PPME1: variants seen among roughly 807,000 people sequenced by gnomAD.
The protein encoded by PPME1 is protein phosphatase methylesterase 1, also known as testicular secretory protein Li 39.
Under a neutral mutation model 56.9 loss-of-function variants are expected in PPME1, and 17 were observed. The observed-to-expected ratio is 0.30, with a 90% CI of 0.20 to 0.45. The LOEUF is 0.45. Among genes scored for constraint, PPME1 ranks in the 20% least tolerant of loss-of-function variants. PPME1 has a pLI of 1.00. For missense variants in PPME1, 357 were observed against 483.2 expected (o/e 0.74, Z 2.45); for synonymous variants, 122 against 156.2 (o/e 0.78, Z 1.63).
chr11:74,200,096 G>C (rs993745779), intron 1 of PPME1, among the ~76,000 whole-genome samples: 11 of 151,048 alleles, frequency 7.3e-5, no homozygotes, highest in Non-Finnish European at 8.9e-5. Flanking sequence ...GACCCCTTGA[G>C]GGGGGGAAGT....
At chr11:74,189,091 A>T (rs1206494499) in intron 1 of PPME1, among the ~76,000 whole-genome samples, 2 of 152,146 alleles carry the variant, frequency 1.3e-5, no homozygotes, top group Non-Finnish European at 2.9e-5. Flanking sequence ...TTTCCCCCTT[A>T]CATAAAAGAT....
chr11:74,171,546 C>T, intron 1 of PPME1, 24 bp downstream of exon 1: 1 of 1,595,268 alleles, frequency 6.3e-7, no homozygotes, highest in South Asian at 1.1e-5. Flanking sequence ...ACCCCTTCTC[C>T]CTATGGGCCA....
chr11:74,232,382 A>G (rs1018339718), intron 7 of PPME1, among the ~76,000 whole-genome samples: 2 of 152,268 alleles, frequency 1.3e-5, no homozygotes, highest in African/African-American at 4.8e-5. Flanking sequence ...GACTTGGTAA[A>G]TATATCCTAG....
intron 1 of PPME1, among the ~76,000 whole-genome samples, chr11:74,179,767 A>G (rs1422106710): frequency 2.6e-5 from 4 of 152,184 alleles, no homozygotes; most frequent in Non-Finnish European, 5.9e-5. Flanking sequence ...AGTAAGGAAC[A>G]CTTCAGACCT....
chr11:74,250,502 GCCAAGCTTCTT>G (rs1159737442), intron 11 of PPME1: 1 of 158,750 alleles, frequency 6.3e-6, no homozygotes. Context: ...TAAGCACCAT[GCCAAGCTTCTT>G]GTATTCCAAG....
At chr11:74,200,014 CA>C (rs1858109086) in intron 1 of PPME1, among the ~76,000 whole-genome samples, 1 of 152,144 alleles carries the variant, frequency 6.6e-6, no homozygotes, top group Non-Finnish European at 1.5e-5. Context: ...AGGACATAGC[CA>C]AACCATATCA....
Position 74,239,164 on chromosome 11 carries a change from A to G in PPME1, c.742A>G (p.Lys248Glu). 1 of 1,613,768 alleles carries G rather than the reference A, an allele frequency of 6.2e-7. No homozygotes were observed. Among genetic ancestry groups the G allele is most frequent in the East Asian group, 2.2e-5 (1 of 44,862 alleles). ...CEGITSPEGS[K>E]SIVEGIIEEE... ...AGGAATTACAAGTCCAGAAGGCTCA[A>G]AATCTATAGTGGAAGGAATCATAGA... Residue 248 changes from lysine (K) to glutamate (E), a missense_variant, in exon 9 of 14, where the codon AAA (lysine) becomes GAA (glutamate). By Grantham distance (56) the Lys-to-Glu change is moderately conservative (BLOSUM62 1). Transcript: ENST00000328257.
chr11:74,236,208 G>C, intron 8 of PPME1, among the ~76,000 whole-genome samples: 1 of 151,580 alleles, frequency 6.6e-6, no homozygotes, highest in Middle Eastern at 3.2e-3. Context: ...GATTACCTTA[G>C]CAAAACTCTG....
intron 1 of PPME1, among the ~76,000 whole-genome samples, chr11:74,185,894 G>A (rs1419404558): frequency 6.6e-6 from 1 of 152,162 alleles, no homozygotes; most frequent in Non-Finnish European, 1.5e-5. Context: ...CAGGTTGGAA[G>A]TTCCTATGGC....
chr11:74,199,332 T>A lies in PPME1; in HGVS notation c.102-4396T>A, dbSNP rs115603462. Among the ~76,000 whole-genome samples the A allele has an allele frequency of 1.6e-3, 251 of 152,366 alleles. 2 individuals are homozygous for A. Among genetic ancestry groups the A allele is most frequent in the African/African-American group, 4.9e-3 (203 of 41,584 alleles). On this transcript the variant is annotated intron_variant, in intron 1 of 13. Coordinates refer to ENST00000328257, the MANE Select transcript of PPME1 (RefSeq NM_016147.3). ...TACATTTTGTTAGATATTTATGTAC[T>A]TAATACTAACTTCTTGACAGCAGAT... is the stretch of plus-strand genomic sequence containing the variant.
chr11:74,230,135 T>G lies in PPME1; in HGVS notation c.399-110T>G. ...TGTTTGTAAGATGGCCCAATAGACTTTTACAGTTTCCCAGCACTGTTACAC... is the reference window on the plus strand; with the variant it reads ...TGTTTGTAAGATGGCCCAATAGACTGTTACAGTTTCCCAGCACTGTTACAC... On this transcript the variant is annotated intron_variant, in intron 5 of 13. Transcript: ENST00000328257. This position sits in a 1 kb window ranked among gnomAD's most constrained non-coding sequence, Gnocchi z 4.9. 8.1e-7 allele frequency: 1 copy of G among 1,236,858 alleles called. No individual in the cohort carries two copies. The highest frequency in any genetic ancestry group is 1.1e-6 in the Non-Finnish European group (1 of 890,712). 76.6% of individuals were successfully genotyped at this position (1,236,858 alleles called of 1,614,324 possible). A position where few individuals can be genotyped will look rare whatever the true frequency, so the allele number is the denominator to read the frequency against.
intron 1 of PPME1, among the ~76,000 whole-genome samples, chr11:74,179,531 AGCTCCGGTGCTACCAAAAATG>A (rs570004066): frequency 1.3e-5 from 2 of 152,236 alleles, no homozygotes; most frequent in East Asian, 3.9e-4. Flanking sequence ...GTCAAATCCA[AGCTCCGGTGCTACCAAAAATG>A]GCTCTGGGAA....
At chr11:74,206,023 G>A (rs180937906) in intron 3 of PPME1, 108 of 152,122 alleles carry the variant, frequency 7.1e-4, no homozygotes, top group African/African-American at 2.5e-3. Flanking sequence ...TTATTATTGA[G>A]ATATTTACAT....
intron 1 of PPME1, among the ~76,000 whole-genome samples, chr11:74,189,364 A>C (rs1857775132): frequency 6.6e-6 from 1 of 152,196 alleles, no homozygotes; most frequent in Non-Finnish European, 1.5e-5. Context: ...ATCATGGCTC[A>C]CTGCAGCCTT....
intron 3 of PPME1, 70 bp from the exon 4 acceptor site, chr11:74,222,242 G>C: frequency 1.6e-6 from 2 of 1,213,764 alleles, no homozygotes; most frequent in Non-Finnish European, 2.4e-6. Context: ...ATTTTACAAA[G>C]TTATCATTGG....
intron 1 of PPME1, among the ~76,000 whole-genome samples, chr11:74,177,556 A>T (rs1320521363): frequency 2.6e-5 from 4 of 152,004 alleles, no homozygotes; most frequent in African/African-American, 9.7e-5. Flanking sequence ...ACGTGCCACT[A>T]CTGTACTTTT....
intron 1 of PPME1, among the ~76,000 whole-genome samples, chr11:74,188,649 C>A (rs1384192402): frequency 3.3e-5 from 5 of 152,158 alleles, no homozygotes; most frequent in Non-Finnish European, 5.9e-5. Context: ...ACCTAACTAC[C>A]TATTTGCTTT....
chr11:74,200,862 G>T (rs1858143682), intron 1 of PPME1, among the ~76,000 whole-genome samples: 1 of 151,872 alleles, frequency 6.6e-6, no homozygotes, highest in African/African-American at 2.4e-5. Context: ...TTTTATTATT[G>T]TTTTTTGAGA....
rs372290206 is a variant in PPME1 at position 74,231,022 on chromosome 11, C to T, written c.644+20C>T. 3.8e-5 allele frequency: 58 copies of T among 1,530,214 alleles called. No homozygotes were observed. The highest frequency in any genetic ancestry group is 9.6e-5 in the African/African-American group (7 of 72,900). 94.8% of individuals were successfully genotyped at this position (1,530,214 alleles called of 1,614,324 possible). A position where few individuals can be genotyped will look rare whatever the true frequency, so the allele number is the denominator to read the frequency against. On this transcript the variant is annotated intron_variant, in intron 7 of 13. Transcript: ENST00000328257. ...ATGGAGGTAACCAACAAATCTTTGT[C>T]GCCTTTATTTAATTAATTTGTTTGT...
Sources: allele counts gnomAD v4.1 joint callset (sites outside exome capture counted in the v4.1 genomes callset), GRCh38; gene constraint gnomAD v4.1.1; non-coding constraint Gnocchi (gnomAD v3.1); transcripts MANE v1.5; gene names NCBI Gene and HGNC (gene_info 2026-07-23, HGNC 2026-07-21).